The following ALG12 variants were observed in gnomAD, a reference collection of about 807,000 sequenced individuals.
ALG12 encodes the protein dol-P-Man:Man(7)GlcNAc(2)-PP-Dol alpha-1,6-mannosyltransferase.
A neutral mutation model predicts 46.0 loss-of-function variants in ALG12; 36 were observed. That is an observed-to-expected ratio of 0.78 (90% CI 0.60 to 1.03). ALG12 has a LOEUF of 1.03. Ranked by LOEUF, ALG12 falls within the 50% of genes least tolerant of loss-of-function variation. ALG12 has a pLI of 0.00. For missense variants in ALG12, 599 were observed against 633.5 expected, an observed-to-expected ratio of 0.95 and a Z score of 0.58; for synonymous variants, 326 against 291.6, an observed-to-expected ratio of 1.12 and a Z score of -1.20.
rs1235766640 is a variant in ALG12, at chr22:49,910,042, G to C, written c.516C>G (p.Phe172Leu). ...TGATGGCGAAGGCTGACAGCCAGAT[G>C]AAGCGGGCCCACTCGTGCCGCAGCC... ...AAWLRHEWARFIWLSAFAIIV... is the reference protein window; with the variant it reads ...AAWLRHEWARLIWLSAFAIIV... The change falls in exon 5 of 10, where the codon TTC (phenylalanine) becomes TTG (leucine). Residue 172 changes from phenylalanine (F) to leucine (L), a missense_variant. Coordinates refer to ENST00000330817, the MANE Select transcript of ALG12 (RefSeq NM_024105.4). 1.2e-6 allele frequency: 2 copies of C among 1,613,108 alleles called. No individual in the cohort carries two copies. Among genetic ancestry groups the C allele is most frequent in the Non-Finnish European group, 1.7e-6 (2 of 1,179,848 alleles).
rs1011167902 is a variant in ALG12, at chr22:49,901,210, G to A, written c.*2628C>T. 2 of 152,306 alleles carry A rather than the reference G, an allele frequency of 1.3e-5. No individual in the cohort carries two copies. The highest frequency in any genetic ancestry group is 6.5e-5 in the Admixed American group (1 of 15,286). The allele number at this position is 152,306 out of a possible 1,614,324, so 9.4% of individuals were successfully genotyped here. A position where few individuals can be genotyped will look rare whatever the true frequency, so the allele number is the denominator to read the frequency against. ...GCGTGGATAACCAGTGAATACCTGA[G>A]ACACACAGGTGGATGGATGGGGGAG... is the stretch of plus-strand genomic sequence containing the variant. On this transcript the variant is annotated 3_prime_UTR_variant, in exon 10 of 10. Transcript: ENST00000330817.
the ALG12 span, chr22:49,887,371 T>C: frequency 9.7e-5 from 49 of 505,768 alleles, 1 homozygote; most frequent in Non-Finnish European, 1.5e-4. Context: ...GCGGGGTGTT[T>C]TATTAAGACG....
chr22:49,865,262 C>T, the ALG12 span, among the ~76,000 whole-genome samples: 1 of 152,054 alleles, frequency 6.6e-6, no homozygotes. Context: ...GCACAGTAAA[C>T]AGATGGTGTC....
chr22:49,908,030 G>A, intron 6 of ALG12, 86 bp from the exon 7 acceptor site: 1 of 1,357,356 alleles, frequency 7.4e-7, no homozygotes, highest in Non-Finnish European at 1.0e-6. Flanking sequence ...GAAGACGCTT[G>A]AAGACAGTTG....
chr22:49,877,811 G>T, the ALG12 span, among the ~76,000 whole-genome samples: 1 of 151,950 alleles, frequency 6.6e-6, no homozygotes, highest in Non-Finnish European at 1.5e-5. Flanking sequence ...TCTGCCCCTC[G>T]TGGCCCCTCC....
At chr22:49,865,120 G>A in the ALG12 span, among the ~76,000 whole-genome samples, 5 of 152,258 alleles carry the variant, frequency 3.3e-5, no homozygotes, top group African/African-American at 9.6e-5. Flanking sequence ...GAACCTCATA[G>A]AGTGCACCTA....
intron 6 of ALG12, among the ~76,000 whole-genome samples, chr22:49,908,915 G>A (rs1414978685): frequency 1.4e-5 from 2 of 146,834 alleles, no homozygotes; most frequent in East Asian, 2.0e-4. Flanking sequence ...TCATACCACT[G>A]TACTCCAGCC....
the ALG12 span, among the ~76,000 whole-genome samples, chr22:49,880,443 C>A: frequency 6.6e-6 from 1 of 152,222 alleles, no homozygotes; most frequent in Non-Finnish European, 1.5e-5. Flanking sequence ...TGCCAAGTTC[C>A]GACTCCCCGC....
At chr22:49,886,657 G>A in the ALG12 span, 5 of 1,605,476 alleles carry the variant, frequency 3.1e-6, no homozygotes, top group Non-Finnish European at 4.3e-6. The surrounding 1 kb of genome is among the most constrained non-coding windows in gnomAD (Gnocchi z 7.7). Flanking sequence ...CACCCTCCAC[G>A]ACCCGCGGTA....
intron 7 of ALG12, 136 bp from the exon 8 acceptor site, chr22:49,904,642 CAG>C (rs372344576): frequency 9.1e-5 from 92 of 1,010,818 alleles, no homozygotes; most frequent in South Asian, 2.2e-4. Context: ...CCAAATAAAA[CAG>C]AGTCAGTAAC....
chr22:49,884,708 C>T, the ALG12 span: 16 of 1,597,768 alleles, frequency 1.0e-5, no homozygotes, highest in African/African-American at 2.7e-5. Flanking sequence ...ACGGGCATCC[C>T]GCCACTGTAC....
In ALG12 at chr22:49,909,331, C is replaced by T; in HGVS notation, c.681G>A (p.Val227=). 6.2e-7 allele frequency: 1 copy of T among 1,614,170 alleles called. No individual in the cohort carries two copies. Among genetic ancestry groups the T allele is most frequent in the Non-Finnish European group, 8.5e-7 (1 of 1,180,032 alleles). ...GILCLGLTVA[V]DSYFWRQLTW... ...TGAGCTGCCGCCAAAAATAAGAGTCCACAGCAACCGTCAGTCCTGACAAAA... is the reference window on the plus strand; with the variant it reads ...TGAGCTGCCGCCAAAAATAAGAGTCTACAGCAACCGTCAGTCCTGACAAAA... The change falls in exon 6 of 10, where the codon GTG becomes GTA. Residue 227 remains valine (V), a synonymous_variant. Coordinates refer to ENST00000330817, the MANE Select transcript of ALG12 (RefSeq NM_024105.4).
the ALG12 span, among the ~76,000 whole-genome samples, chr22:49,891,885 C>T: frequency 6.6e-6 from 1 of 152,238 alleles, no homozygotes; most frequent in East Asian, 1.9e-4. Context: ...GCTAAAATTC[C>T]CTTCTCTTCC....
chr22:49,873,966 G>A, the ALG12 span, among the ~76,000 whole-genome samples: 3 of 152,224 alleles, frequency 2.0e-5, no homozygotes, highest in African/African-American at 7.2e-5. Context: ...GGACATTCCC[G>A]GGGAGCTGGC....
the ALG12 span, among the ~76,000 whole-genome samples, chr22:49,879,367 TC>T: frequency 2.7e-4 from 41 of 151,912 alleles, no homozygotes; most frequent in Non-Finnish European, 4.9e-4. Flanking sequence ...GCTCGGTTGA[TC>T]CGTCTGCCTC....
chr22:49,885,835 A>G, the ALG12 span: 1 of 1,539,176 alleles, frequency 6.5e-7, no homozygotes, highest in Non-Finnish European at 9.0e-7. Context: ...GGAAGCTGAG[A>G]GTGGTGTGAT....
the ALG12 span, chr22:49,885,770 C>A: frequency 1.2e-6 from 2 of 1,605,246 alleles, no homozygotes; most frequent in African/African-American, 2.7e-5. Context: ...TTCTCCAGGA[C>A]AGCTATCCCA....
At chr22:49,876,355 T>G in the ALG12 span, among the ~76,000 whole-genome samples, 1 of 152,238 alleles carries the variant, frequency 6.6e-6, no homozygotes, top group Non-Finnish European at 1.5e-5. Context: ...TGTTGGTTAC[T>G]TATTGAATAG....
chr22:49,862,151 T>C, the ALG12 span, among the ~76,000 whole-genome samples: 1 of 152,236 alleles, frequency 6.6e-6, no homozygotes, highest in African/African-American at 2.4e-5. Context: ...GCAGTTGAGA[T>C]CATTGAATGC....
Sources: gnomAD v4.1 joint callset for allele counts (sites outside exome capture counted in the v4.1 genomes callset) on GRCh38, gnomAD v4.1.1 for gene constraint, Gnocchi (gnomAD v3.1) non-coding constraint, MANE v1.5 for transcripts, NCBI Gene and HGNC (gene_info 2026-07-23, HGNC 2026-07-21) for gene names.